Variants in NOTCH1 observed in about 807,000 individuals in gnomAD.
The protein encoded by NOTCH1 is notch receptor 1, also known as neurogenic locus notch homolog protein 1.
Under a neutral mutation model 254.8 loss-of-function variants are expected in NOTCH1, and 37 were observed. The ratio of observed to expected loss-of-function variants is 0.15; its 90% CI spans 0.11 to 0.19. The LOEUF (loss-of-function observed/expected upper bound fraction) is 0.19, where lower values mean the gene tolerates loss of function less well. NOTCH1 is among the 10% of genes least tolerant of loss of function. The probability of loss-of-function intolerance (pLI) is 1.00; values close to 1 mark genes in which losing one functional copy is unlikely to be tolerated. For missense variants in NOTCH1, 2,972 were observed against 3,708.6 expected, an observed-to-expected ratio of 0.80 and a Z score of 5.16; for synonymous variants, 1,731 against 1,618.1, an observed-to-expected ratio of 1.07 and a Z score of -1.68.
At chr9:136,504,526 C>T (rs753497393) in intron 26 of NOTCH1, 147 bp downstream of exon 26, 8 of 905,494 alleles carry the variant, frequency 8.8e-6, no homozygotes, top group African/African-American at 5.1e-5. Flanking sequence ...CCCTGAAGTC[C>T]CAGGTCCTCT....
rs755070916 is a variant in NOTCH1 at position 136,515,586 on chromosome 9, G to A, written c.1800C>T (p.Cys600=). ...TGGAGCACTCGTTGATGTTGGTCTC[G>A]CAGTGGTGGCCCGTGTAGCCTGGGC... The part of the protein sequence containing the change: ...LCRPGYTGHH[C]ETNINECSSQ... The change falls in exon 11 of 34, where the codon TGC becomes TGT. Residue 600 remains cysteine, a synonymous_variant. Coordinates refer to ENST00000651671, the MANE Select transcript of NOTCH1 (RefSeq NM_017617.5). 1.5e-5 allele frequency: 24 copies of A among 1,610,366 alleles called. 1 individual carries two copies. Among genetic ancestry groups the A allele is most frequent in the South Asian group, 1.2e-4 (11 of 91,020 alleles).
chr9:136,506,672 C>T lies in NOTCH1; in HGVS notation c.3902-33G>A, dbSNP rs1469623575. ...TAAGAGCAGGGCAGTGAGAGGCTCACCCTGCTGCCCCACACGCCCCACCCG... is the reference window on the plus strand; with the variant it reads ...TAAGAGCAGGGCAGTGAGAGGCTCATCCTGCTGCCCCACACGCCCCACCCG... On this transcript the variant is annotated intron_variant, in intron 23 of 33. Coordinates refer to ENST00000651671, the MANE Select transcript of NOTCH1 (RefSeq NM_017617.5). This position sits in a 1 kb window ranked among gnomAD's most constrained non-coding sequence, Gnocchi z 4.5. The T allele has an allele frequency of 6.3e-7, 1 of 1,597,530 alleles. No homozygotes were observed. The highest frequency in any genetic ancestry group is 1.1e-5 in the South Asian group (1 of 88,934).
chr9:136,518,565 G>A (rs773526691), intron 6 of NOTCH1, 26 bp downstream of exon 6: 38 of 1,595,324 alleles, frequency 2.4e-5, no homozygotes, highest in East Asian at 4.5e-5. Context: ...AGCCCCCTGC[G>A]CCCACCTGGG....
At chr9:136,527,186 T>A (rs888794503) in intron 2 of NOTCH1, among the ~76,000 whole-genome samples, 1 of 152,180 alleles carries the variant, frequency 6.6e-6, no homozygotes, top group Non-Finnish European at 1.5e-5. Flanking sequence ...CTCTCCCACA[T>A]GGCCACAGAG....
intron 2 of NOTCH1, chr9:136,543,144 C>T (rs975073100): frequency 3.8e-5 from 6 of 159,486 alleles, no homozygotes; most frequent in African/African-American, 1.4e-4. Flanking sequence ...AGCCTGAGGC[C>T]GGGAAGAGGG....
intron 15 of NOTCH1, 148 bp from the exon 16 acceptor site, chr9:136,511,419 C>T (rs1374483555): frequency 1.2e-5 from 12 of 1,020,340 alleles, no homozygotes; most frequent in African/African-American, 6.4e-5. Flanking sequence ...TGAGCGCTCC[C>T]GGCTGTGCCA....
intron 2 of NOTCH1, among the ~76,000 whole-genome samples, chr9:136,538,196 G>C (rs1843682994): frequency 6.6e-6 from 1 of 152,156 alleles, no homozygotes; most frequent in African/African-American, 2.4e-5. Flanking sequence ...CCAGGGAGCA[G>C]GGTGGGGTGG....
chr9:136,534,496 A>C (rs926972339), intron 2 of NOTCH1, among the ~76,000 whole-genome samples: 1 of 152,132 alleles, frequency 6.6e-6, no homozygotes, highest in Admixed American at 6.5e-5. Flanking sequence ...TTGGGGAAAA[A>C]TCTCAACTAG....
intron 26 of NOTCH1, 121 bp from the exon 27 acceptor site, chr9:136,503,451 G>A (rs1843032113): frequency 6.8e-7 from 1 of 1,472,960 alleles, no homozygotes; most frequent in Non-Finnish European, 9.3e-7. Context: ...TGGTGAGGCA[G>A]CCTGGGGTGG....
chr9:136,530,026 G>A (rs1387566386), intron 2 of NOTCH1, among the ~76,000 whole-genome samples: 1 of 152,226 alleles, frequency 6.6e-6, no homozygotes, highest in Non-Finnish European at 1.5e-5. Flanking sequence ...GCCCCAGGAA[G>A]GAGGAAAGGG....
At chr9:136,531,599 G>A (rs1843560389) in intron 2 of NOTCH1, among the ~76,000 whole-genome samples, 1 of 152,134 alleles carries the variant, frequency 6.6e-6, no homozygotes, top group Non-Finnish European at 1.5e-5. Context: ...GAGAGACCCA[G>A]CCTCCCGCTC....
chr9:136,507,101 A>C (rs1416916442), intron 22 of NOTCH1, 128 bp from the exon 23 acceptor site: 1 of 1,483,016 alleles, frequency 6.7e-7, no homozygotes, highest in Non-Finnish European at 9.2e-7. Flanking sequence ...GCAGGTGTCA[A>C]GGGTGCCGTG....
Position 136,505,452 on chromosome 9 carries a change from T to C in NOTCH1, c.4444A>G (p.Asn1482Asp), listed in dbSNP as rs1843065776. 3.7e-6 allele frequency: 6 copies of C among 1,612,840 alleles called. No individual in the cohort carries two copies. The highest frequency in any genetic ancestry group is 4.2e-6 in the Non-Finnish European group (5 of 1,180,004). Reference protein sequence around the residue: ...CGWDGGDCSLNFNDPWKNCTQ... With the variant: ...CGWDGGDCSLDFNDPWKNCTQ... The stretch of plus-strand genomic sequence containing the variant: ...CAGTTCTTCCAGGGGTCATTGAAGT[T>C]GAGGGAGCAGTCACCGCCGTCCCAG... Residue 1482 changes from asparagine (N) to aspartate (D), a missense_variant, in exon 25 of 34, where the codon AAC becomes GAC. Physicochemically the swap from Asn to Asp is conservative, Grantham distance 23. Coordinates refer to ENST00000651671, the MANE Select transcript of NOTCH1 (RefSeq NM_017617.5).
At chr9:136,514,811 A>C (rs1384663944) in intron 12 of NOTCH1, 109 bp from the exon 13 acceptor site, 1 of 1,129,792 alleles carries the variant, frequency 8.9e-7, no homozygotes, top group East Asian at 2.5e-5. Context: ...TTCTGGCCAC[A>C]TCCTTCCAGG....
intron 31 of NOTCH1, among the ~76,000 whole-genome samples, 154 bp downstream of exon 31, chr9:136,500,398 G>C (rs1015198063): frequency 6.6e-6 from 1 of 152,200 alleles, no homozygotes; most frequent in African/African-American, 2.4e-5. Flanking sequence ...CTCGCACCTC[G>C]CTGACTGCGA....
At chr9:136,531,588 A>C (rs555756877) in intron 2 of NOTCH1, among the ~76,000 whole-genome samples, 1 of 152,136 alleles carries the variant, frequency 6.6e-6, no homozygotes, top group South Asian at 2.1e-4. Flanking sequence ...GCCCTGGGCG[A>C]GAGAGACCCA....
intron 30 of NOTCH1, among the ~76,000 whole-genome samples, 177 bp from the exon 31 acceptor site, chr9:136,501,024 T>C (rs891960284): frequency 6.6e-6 from 1 of 152,158 alleles, no homozygotes; most frequent in African/African-American, 2.4e-5. Flanking sequence ...GGCTGCTCAG[T>C]GGACAGAGCC....
chr9:136,503,660 C>G (rs1843034958), intron 26 of NOTCH1, among the ~76,000 whole-genome samples: 1 of 152,220 alleles, frequency 6.6e-6, no homozygotes, highest in Admixed American at 6.5e-5. Flanking sequence ...GGAGCCCAGT[C>G]CTCCCCCAGG....
chr9:136,508,777 A>G, intron 19 of NOTCH1, 93 bp downstream of exon 19: 1 of 1,261,836 alleles, frequency 7.9e-7, no homozygotes, highest in Non-Finnish European at 1.1e-6. Context: ...CCGAGCCGAC[A>G]CAGTGGGACC....
Sources: gnomAD v4.1 joint callset for allele counts (sites outside exome capture counted in the v4.1 genomes callset) on GRCh38, gnomAD v4.1.1 for gene constraint, Gnocchi (gnomAD v3.1) non-coding constraint, MANE v1.5 for transcripts, NCBI Gene and HGNC (gene_info 2026-07-23, HGNC 2026-07-21) for gene names.